The following COX5A variants were observed in gnomAD, a reference collection of about 807,000 sequenced individuals.
The protein encoded by COX5A is cytochrome c oxidase subunit 5A, also known as cytochrome c oxidase subunit 5A, mitochondrial.
Under a neutral mutation model 16.1 loss-of-function variants are expected in COX5A, and 6 were observed. The observed-to-expected ratio is 0.37, with a 90% CI of 0.20 to 0.73. COX5A has a LOEUF of 0.73. Ranked by LOEUF, COX5A falls within the 30% of genes least tolerant of loss-of-function variation. The pLI is 0.50. For missense variants in COX5A, 159 were observed against 194.9 expected, an observed-to-expected ratio of 0.82 and a Z score of 1.10; for synonymous variants, 73 against 73.8, an observed-to-expected ratio of 0.99 and a Z score of 0.06.
At chr15:74,924,618 G>C (rs1378470724) in intron 3 of COX5A, among the ~76,000 whole-genome samples, 1 of 152,178 alleles carries the variant, frequency 6.6e-6, no homozygotes, top group Non-Finnish European at 1.5e-5. Context: ...ACTGCAATTG[G>C]ACTAAATCCA....
chr15:74,929,212 A>G lies in COX5A; in HGVS notation c.121T>C (p.Tyr41His), dbSNP rs768682367. 3 of 1,612,912 alleles carry G rather than the reference A, an allele frequency of 1.9e-6. No homozygotes were observed. The highest frequency in any genetic ancestry group is 1.3e-5 in the African/African-American group (1 of 75,038). ...PAVAIQSVRCYSHGSQETDEE... is the reference protein window; with the variant it reads ...PAVAIQSVRCHSHGSQETDEE... Reference sequence around the variant, plus strand: ...TCTGTCTCCTGTGACCCATGGGAATAGCAGCGAACTGACTGGATAGCTATA... The same window carrying G: ...TCTGTCTCCTGTGACCCATGGGAATGGCAGCGAACTGACTGGATAGCTATA... The change falls in exon 2 of 5, where the codon TAT (tyrosine) becomes CAT (histidine). Residue 41 changes from tyrosine to histidine, a missense_variant. Coordinates refer to ENST00000322347, the MANE Select transcript of COX5A (RefSeq NM_004255.4).
At chr15:74,921,623 G>C (rs1271285775) in intron 4 of COX5A, among the ~76,000 whole-genome samples, 5 of 152,004 alleles carry the variant, frequency 3.3e-5, no homozygotes, top group African/African-American at 1.2e-4. Context: ...CCAGCTACTA[G>C]GGAGGCTGAG....
intron 2 of COX5A, among the ~76,000 whole-genome samples, chr15:74,927,113 C>T (rs2065347849): frequency 6.6e-6 from 1 of 151,892 alleles, no homozygotes; most frequent in Admixed American, 6.6e-5. Flanking sequence ...CAACAGCACG[C>T]AGATTGAAGG....
intron 2 of COX5A, 58 bp from the exon 3 acceptor site, chr15:74,926,945 G>A (rs1415565268): frequency 4.5e-6 from 7 of 1,559,002 alleles, no homozygotes; most frequent in Non-Finnish European, 6.1e-6. Flanking sequence ...TAAACTATGA[G>A]TTATTTATAT....
At chr15:74,920,686 A>G (rs1555406601) in intron 4 of COX5A, among the ~76,000 whole-genome samples, 2 of 151,974 alleles carry the variant, frequency 1.3e-5, no homozygotes, top group Non-Finnish European at 2.9e-5. Flanking sequence ...AACAAAAGAA[A>G]TTTTTTTTGG....
At position 74,929,126 on chromosome 15, in the gene COX5A, T is replaced by C. The variant is rs1595862104; in HGVS notation, c.207A>G (p.Glu69=). 4 of 1,609,200 alleles carry C rather than the reference T, an allele frequency of 2.5e-6. No homozygotes were observed. The highest frequency in any genetic ancestry group is 3.4e-6 in the Non-Finnish European group (4 of 1,175,552). Residue 69 remains glutamate, a synonymous_variant, in exon 2 of 5, where the codon GAA becomes GAG. Coordinates refer to ENST00000322347, the MANE Select transcript of COX5A (RefSeq NM_004255.4). The stretch of plus-strand genomic sequence containing the variant: ...TTATGTTCCAATTACCTTTACGCAA[T>C]TCCCAGGCATCTATATCTGGCTTGT... ...YFNKPDIDAW[E]LRKGINTLVT...
At chr15:74,923,984 A>G (rs995850147) in intron 3 of COX5A, among the ~76,000 whole-genome samples, 3 of 151,902 alleles carry the variant, frequency 2.0e-5, no homozygotes, top group African/African-American at 4.8e-5. Context: ...GTTCGAGACC[A>G]GCCTGGACAA....
intron 4 of COX5A, among the ~76,000 whole-genome samples, chr15:74,920,901 C>T (rs976376564): frequency 2.6e-5 from 4 of 151,718 alleles, no homozygotes; most frequent in Non-Finnish European, 5.9e-5. Context: ...TCTCTTCAAC[C>T]GGGAGGCGGA....
intron 1 of COX5A, among the ~76,000 whole-genome samples, chr15:74,934,746 C>T (rs1459290774): frequency 6.6e-6 from 1 of 152,134 alleles, no homozygotes; most frequent in African/African-American, 2.4e-5. Flanking sequence ...CTAGCATTCT[C>T]TGCCCCACAC....
chr15:74,927,007 T>C, intron 2 of COX5A, 120 bp from the exon 3 acceptor site: 2 of 1,081,972 alleles, frequency 1.8e-6, no homozygotes, highest in Non-Finnish European at 2.6e-6. Context: ...TCCATTCTCT[T>C]ACCTATAAAA....
At chr15:74,926,140 C>A (rs1346346614) in intron 3 of COX5A, among the ~76,000 whole-genome samples, 1 of 150,816 alleles carries the variant, frequency 6.6e-6, no homozygotes, top group African/African-American at 2.4e-5. Flanking sequence ...CCCGGGTTCA[C>A]GCCATTCTCC....
intron 3 of COX5A, among the ~76,000 whole-genome samples, chr15:74,925,737 T>C (rs1961991059): frequency 6.6e-6 from 1 of 152,038 alleles, no homozygotes; most frequent in African/African-American, 2.4e-5. Context: ...TCAACAGTTG[T>C]GTAGTATAAC....
chr15:74,923,985 G>GCCT (rs1243055274), intron 3 of COX5A, among the ~76,000 whole-genome samples: 1 of 151,058 alleles, frequency 6.6e-6, no homozygotes, highest in Non-Finnish European at 1.5e-5. Context: ...TTCGAGACCA[G>GCCT]CCTGGACAAC....
rs368178660 is a variant in COX5A at position 74,931,686 on chromosome 15, TGA to T, written c.101-2456_101-2455del. Among the ~76,000 whole-genome samples, 543 of 151,960 alleles carry T rather than the reference TGA, an allele frequency of 3.6e-3. 2 individuals carry two copies. Among genetic ancestry groups the T allele is most frequent in the Non-Finnish European group, 5.1e-3 (344 of 67,990 alleles). On this transcript the variant is annotated intron_variant, in intron 1 of 4. Coordinates refer to ENST00000322347, the MANE Select transcript of COX5A (RefSeq NM_004255.4). ...CTCCTGCCTCAGCCTTCTGAGTAGC[TGA>T]GACTACAGGCGAGCGCCACTAAGCT... is the stretch of plus-strand genomic sequence containing the variant.
At chr15:74,936,606 T>C (rs1303802623) in intron 1 of COX5A, among the ~76,000 whole-genome samples, 1 of 148,826 alleles carries the variant, frequency 6.7e-6, no homozygotes, top group Admixed American at 6.7e-5. Context: ...CTAAAATGAA[T>C]GAAGCAAAAC....
At position 74,937,933 on chromosome 15, in the gene COX5A, T is replaced by C; in HGVS notation, c.82A>G (p.Thr28Ala). The C allele has an allele frequency of 1.6e-6, 2 of 1,231,216 alleles. No homozygotes were observed. Among genetic ancestry groups the C allele is most frequent in the Non-Finnish European group, 2.0e-6 (2 of 986,832 alleles). 76.3% of individuals were successfully genotyped at this position (1,231,216 alleles called of 1,614,324 possible). A position where few individuals can be genotyped will look rare whatever the true frequency, so the allele number is the denominator to read the frequency against. ...DPRGLLHSARTPGPAVAIQSV... is the reference protein window; with the variant it reads ...DPRGLLHSARAPGPAVAIQSV... ...GCCTTACCCACGGCGGGGCCGGGGG[T>C]CCGGGCGGAGTGCAGGAGGCCTCGA... Residue 28 changes from threonine to alanine, a missense_variant, in exon 1 of 5, where the codon ACC (threonine) becomes GCC (alanine). By Grantham distance (58) the Thr-to-Ala change is moderately conservative (BLOSUM62 0). Transcript: ENST00000322347.
intron 1 of COX5A, among the ~76,000 whole-genome samples, chr15:74,934,981 A>G (rs1205938226): frequency 6.6e-6 from 1 of 152,222 alleles, no homozygotes; most frequent in Non-Finnish European, 1.5e-5. Flanking sequence ...AAAACAAAAA[A>G]GGCTAACATA....
At chr15:74,935,613 A>T (rs961937504) in intron 1 of COX5A, among the ~76,000 whole-genome samples, 34 of 149,260 alleles carry the variant, frequency 2.3e-4, no homozygotes, top group East Asian at 9.8e-4. Flanking sequence ...AAAAAAAAAT[A>T]AATAAATAAA....
chr15:74,921,024 T>A (rs1842105680), intron 4 of COX5A, among the ~76,000 whole-genome samples: 1 of 151,988 alleles, frequency 6.6e-6, no homozygotes, highest in Non-Finnish European at 1.5e-5. Flanking sequence ...AGCTAGAATA[T>A]ATCCTACATA....
Sources: gnomAD v4.1 joint callset for allele counts (sites outside exome capture counted in the v4.1 genomes callset) on GRCh38, gnomAD v4.1.1 for gene constraint, MANE v1.5 for transcripts, NCBI Gene and HGNC (gene_info 2026-07-23, HGNC 2026-07-21) for gene names.